Variants in TPST1 observed in about 807,000 individuals in gnomAD.
The protein encoded by TPST1 is protein-tyrosine sulfotransferase 1.
A neutral mutation model predicts 34.8 loss-of-function variants in TPST1; 20 were observed. That is an observed-to-expected ratio of 0.57 (90% CI 0.40 to 0.84). The LOEUF is 0.84. Ranked by LOEUF, TPST1 falls within the 40% of genes least tolerant of loss-of-function variation. The pLI is 0.00. For missense variants in TPST1, 353 were observed against 455.5 expected, an observed-to-expected ratio of 0.78 and a Z score of 2.05; for synonymous variants, 152 against 159.4, an observed-to-expected ratio of 0.95 and a Z score of 0.35.
chr7:66,198,937 T>G, the TPST1 span, among the ~76,000 whole-genome samples: 2 of 152,208 alleles, frequency 1.3e-5, no homozygotes, highest in African/African-American at 4.8e-5. Flanking sequence ...CGCAGGCCAT[T>G]GACTCTCTGA....
intron 2 of TPST1, among the ~76,000 whole-genome samples, chr7:66,274,597 G>C (rs1790769827): frequency 6.6e-6 from 1 of 152,098 alleles, no homozygotes; most frequent in Admixed American, 6.6e-5. Flanking sequence ...ATGGGATTAT[G>C]TCAAACAAAA....
chr7:66,217,115 G>C (rs1390908458), intron 1 of TPST1, among the ~76,000 whole-genome samples: 2 of 152,074 alleles, frequency 1.3e-5, no homozygotes, highest in Admixed American at 1.3e-4. Flanking sequence ...CTAACACATG[G>C]TCTATCCTAG....
chr7:66,266,489 C>T (rs780446137), intron 2 of TPST1, among the ~76,000 whole-genome samples: 3 of 152,168 alleles, frequency 2.0e-5, no homozygotes, highest in Admixed American at 6.5e-5. Flanking sequence ...ACATGCCTAG[C>T]TTATAACCCT....
chr7:66,347,059 C>CTT (rs71051352), intron 3 of TPST1, among the ~76,000 whole-genome samples: 945 of 59,922 alleles, frequency 0.016, 282 homozygotes, highest in Middle Eastern at 0.043. Flanking sequence ...CTTTGCTTTT[C>CTT]TTTTTTTTTT....
At chr7:66,259,656 A>T (rs1790447382) in intron 2 of TPST1, among the ~76,000 whole-genome samples, 1 of 152,074 alleles carries the variant, frequency 6.6e-6, no homozygotes, top group African/African-American at 2.4e-5. Context: ...CAGAAAGTGT[A>T]GAGAGTTCCC....
At chr7:66,322,910 T>C (rs1009037565) in intron 3 of TPST1, among the ~76,000 whole-genome samples, 3 of 151,980 alleles carry the variant, frequency 2.0e-5, no homozygotes, top group African/African-American at 7.2e-5. Context: ...CCAACACTTG[T>C]TATTTTTTTT....
chr7:66,340,386 G>A (rs1419678358), intron 3 of TPST1, among the ~76,000 whole-genome samples: 1 of 152,030 alleles, frequency 6.6e-6, no homozygotes, highest in Non-Finnish European at 1.5e-5. Context: ...TGAGGTCCTA[G>A]CCCAAGCAAT....
intron 2 of TPST1, among the ~76,000 whole-genome samples, chr7:66,277,227 C>G (rs1435741141): frequency 1.3e-5 from 2 of 152,184 alleles, no homozygotes; most frequent in Non-Finnish European, 2.9e-5. Context: ...TCTCTGGCCC[C>G]TTTGAGAACC....
intron 1 of TPST1, among the ~76,000 whole-genome samples, chr7:66,208,830 T>C (rs1684945103): frequency 6.6e-6 from 1 of 152,184 alleles, no homozygotes; most frequent in Non-Finnish European, 1.5e-5. Flanking sequence ...GAGTGAACCC[T>C]TTAAGAGAAA....
intron 3 of TPST1, among the ~76,000 whole-genome samples, chr7:66,330,509 A>C (rs1791975978): frequency 6.6e-6 from 1 of 152,146 alleles, no homozygotes; most frequent in Non-Finnish European, 1.5e-5. Flanking sequence ...CTTTGCTTGG[A>C]AATCTTTTTA....
rs138010773 is a variant in TPST1 at position 66,342,993 on chromosome 7, T to C, written c.1045-9512T>C. Among the ~76,000 whole-genome samples the C allele has an allele frequency of 1.4e-3, 213 of 152,104 alleles. 1 individual carries two copies. The highest frequency in any genetic ancestry group is 7.1e-3 in the South Asian group (34 of 4,816). ...TCTCTAGCCTTCCTGTCTTACCTAA[T>C]TGGGGAGAAGGGAACCTGAGAAGCA... On this transcript the variant is annotated intron_variant, in intron 3 of 5. Coordinates refer to ENST00000304842, the MANE Select transcript of TPST1 (RefSeq NM_003596.4).
chr7:66,316,359 T>G (rs975791340), intron 3 of TPST1, among the ~76,000 whole-genome samples: 2 of 152,370 alleles, frequency 1.3e-5, no homozygotes, highest in African/African-American at 4.8e-5. Context: ...GGTCAGTTTT[T>G]GTGAATCTTA....
intron 2 of TPST1, among the ~76,000 whole-genome samples, chr7:66,280,318 G>T (rs1790907363): frequency 6.6e-6 from 1 of 152,210 alleles, no homozygotes. Flanking sequence ...CAATTCCTGG[G>T]CCAGATCTTG....
intron 2 of TPST1, among the ~76,000 whole-genome samples, chr7:66,253,401 C>G (rs1235446700): frequency 6.9e-6 from 1 of 145,322 alleles, no homozygotes; most frequent in Non-Finnish European, 1.5e-5. Flanking sequence ...GACAGAGTCT[C>G]ACTCTGTTGC....
chr7:66,211,274 G>A (rs1369574675), intron 1 of TPST1, among the ~76,000 whole-genome samples: 8 of 151,986 alleles, frequency 5.3e-5, no homozygotes, highest in African/African-American at 1.9e-4. Context: ...AGCTGAGATT[G>A]CAGGCATGCA....
intron 1 of TPST1, among the ~76,000 whole-genome samples, chr7:66,218,262 A>G (rs898267094): frequency 6.6e-6 from 1 of 152,036 alleles, no homozygotes; most frequent in Admixed American, 6.5e-5. Flanking sequence ...AAATGCCTGT[A>G]TGTCTTTGTT....
intron 2 of TPST1, among the ~76,000 whole-genome samples, chr7:66,274,548 G>C (rs1790769281): frequency 6.6e-6 from 1 of 152,056 alleles, no homozygotes; most frequent in South Asian, 2.1e-4. Flanking sequence ...TTTTGGATTT[G>C]ACCTCAAAAG....
At chr7:66,304,580 A>G (rs143504797) in intron 3 of TPST1, among the ~76,000 whole-genome samples, 39 of 152,306 alleles carry the variant, frequency 2.6e-4, no homozygotes, top group African/African-American at 9.1e-4. Flanking sequence ...CCTGGCTTAC[A>G]TACACACCTA....
intron 3 of TPST1, among the ~76,000 whole-genome samples, chr7:66,321,547 G>A (rs549996901): frequency 6.6e-6 from 1 of 152,314 alleles, no homozygotes; most frequent in South Asian, 2.1e-4. Context: ...CTGAAAACAG[G>A]CCTGTCTTGG....
Sources: allele counts gnomAD v4.1 joint callset (sites outside exome capture counted in the v4.1 genomes callset), GRCh38; gene constraint gnomAD v4.1.1; transcripts MANE v1.5; gene names NCBI Gene and HGNC (gene_info 2026-07-23, HGNC 2026-07-21).